SYTL2: variants seen among roughly 807,000 people sequenced by gnomAD.
SYTL2 encodes synaptotagmin like 2.
A neutral mutation model predicts 198.7 loss-of-function variants in SYTL2; 165 were observed. That is an observed-to-expected ratio of 0.83 (90% confidence interval 0.73 to 0.94). The LOEUF is 0.94. SYTL2 is among the 40% of genes least tolerant of loss of function. The pLI is 0.00. For missense variants in SYTL2, 2,835 were observed against 2,582.8 expected (o/e 1.10, Z -2.12); for synonymous variants, 966 against 917.7 (o/e 1.05, Z -0.95).
intron 15 of SYTL2, 86 bp from the exon 16 acceptor site, chr11:85,705,114 T>A (rs984245650): frequency 9.8e-7 from 1 of 1,015,494 alleles, no homozygotes; most frequent in African/African-American, 1.6e-5. Context: ...AATTCATCTG[T>A]ATATAGCAAA....
At chr11:85,795,223 T>C (rs1353919834) in intron 1 of SYTL2, among the ~76,000 whole-genome samples, 2 of 152,164 alleles carry the variant, frequency 1.3e-5, no homozygotes, top group African/African-American at 4.8e-5. Flanking sequence ...GCTAAGTTTA[T>C]TTTCAGCCCC....
In SYTL2 at chr11:85,734,637, A is replaced by C; in HGVS notation, c.692T>G (p.Ile231Ser). The C allele has an allele frequency of 6.2e-7, 1 of 1,614,122 alleles. No homozygotes were observed. Among genetic ancestry groups the C allele is most frequent in the Non-Finnish European group, 8.5e-7 (1 of 1,180,018 alleles). ...CCTGGCTTTGGGGATTGGAGCCTTG[A>C]TTTGGGACCCATTTGAAAGGCCTGG... ...TLPGLSNGSQ[I>S]KAPIPKARKM... The change falls in exon 7 of 20, where the codon ATC becomes AGC. Residue 231 changes from isoleucine to serine, a missense_variant. Coordinates refer to ENST00000359152, the MANE Select transcript of SYTL2 (RefSeq NM_206927.4).
intron 1 of SYTL2, among the ~76,000 whole-genome samples, chr11:85,766,757 G>T (rs942149160): frequency 6.6e-6 from 1 of 152,196 alleles, no homozygotes; most frequent in African/African-American, 2.4e-5. Flanking sequence ...ACAAGCCCAA[G>T]AAGTCTCACA....
chr11:85,765,307 G>A (rs539319048), intron 1 of SYTL2, among the ~76,000 whole-genome samples: 31 of 152,204 alleles, frequency 2.0e-4, no homozygotes, highest in African/African-American at 7.2e-4. Flanking sequence ...CGTGATCTCC[G>A]CTCACTGCAA....
chr11:85,776,463 T>C (rs2092453566), intron 1 of SYTL2, among the ~76,000 whole-genome samples: 1 of 152,240 alleles, frequency 6.6e-6, no homozygotes, highest in Admixed American at 6.5e-5. Flanking sequence ...TCTGTTCTCA[T>C]TGTTCAACTC....
intron 1 of SYTL2, among the ~76,000 whole-genome samples, chr11:85,777,156 TAGTC>T (rs2092465744): frequency 6.6e-6 from 1 of 152,222 alleles, no homozygotes; most frequent in African/African-American, 2.4e-5. Flanking sequence ...GGACATTCTT[TAGTC>T]ACCTCAGTAA....
At chr11:85,775,725 C>T (rs2092441074) in intron 1 of SYTL2, among the ~76,000 whole-genome samples, 1 of 152,174 alleles carries the variant, frequency 6.6e-6, no homozygotes, top group Non-Finnish European at 1.5e-5. Context: ...AAGTAATCTG[C>T]CCGCCTCAGC....
At chr11:85,833,246 G>C in the SYTL2 span, among the ~76,000 whole-genome samples, 15 of 148,398 alleles carry the variant, frequency 1.0e-4, no homozygotes, top group East Asian at 3.0e-3. Context: ...TAACATATTG[G>C]GCATCTATCA....
At chr11:85,800,314 C>T (rs916300336) in intron 1 of SYTL2, among the ~76,000 whole-genome samples, 7 of 152,068 alleles carry the variant, frequency 4.6e-5, no homozygotes, top group Admixed American at 2.6e-4. Context: ...GGGTTTCTGC[C>T]GCCCAGGCTG....
intron 16 of SYTL2, among the ~76,000 whole-genome samples, chr11:85,701,050 G>T (rs1245656692): frequency 1.3e-5 from 2 of 152,188 alleles, no homozygotes; most frequent in Non-Finnish European, 2.9e-5. Context: ...GCACTAATCT[G>T]ATTATTTTAG....
At chr11:85,705,152 C>G in intron 15 of SYTL2, 124 bp from the exon 16 acceptor site, 3 of 627,416 alleles carry the variant, frequency 4.8e-6, no homozygotes, top group Non-Finnish European at 7.9e-6. Context: ...TTTCGAGTCC[C>G]AAAAATATTG....
chr11:85,776,921 T>C (rs961700268), intron 1 of SYTL2, among the ~76,000 whole-genome samples: 1 of 152,160 alleles, frequency 6.6e-6, no homozygotes, highest in Non-Finnish European at 1.5e-5. Flanking sequence ...GTGTCAGCTC[T>C]GTGGTTAGAG....
chr11:85,803,030 A>G (rs1003132459), intron 1 of SYTL2, among the ~76,000 whole-genome samples: 1 of 152,180 alleles, frequency 6.6e-6, no homozygotes, highest in Non-Finnish European at 1.5e-5. Flanking sequence ...GTTGGCCACT[A>G]TGCTTCATAA....
chr11:85,698,203 G>A (rs988961563), intron 17 of SYTL2, 125 bp from the exon 18 acceptor site: 6 of 653,578 alleles, frequency 9.2e-6, no homozygotes, highest in Non-Finnish European at 1.6e-5. Flanking sequence ...GATATCATCT[G>A]AACTGATTAA....
At chr11:85,849,214 T>C in the SYTL2 span, among the ~76,000 whole-genome samples, 25,536 of 152,138 alleles carry the variant, frequency 0.17, 3,311 homozygotes, top group African/African-American at 0.37. Flanking sequence ...GAGTAGGTTG[T>C]GAAAATTTTC....
At chr11:85,853,166 A>C in the SYTL2 span, 1 of 359,092 alleles carries the variant, frequency 2.8e-6, no homozygotes, top group Non-Finnish European at 5.4e-6. Context: ...AGGCGTACCC[A>C]ACAGCTCATT....
At chr11:85,803,743 T>A (rs1353747841) in intron 1 of SYTL2, among the ~76,000 whole-genome samples, 1 of 152,212 alleles carries the variant, frequency 6.6e-6, no homozygotes, top group Non-Finnish European at 1.5e-5. Context: ...CAAAGTAACC[T>A]GGGATCAATT....
At chr11:85,720,089 A>G (rs1256002673) in intron 9 of SYTL2, among the ~76,000 whole-genome samples, 1 of 152,204 alleles carries the variant, frequency 6.6e-6, no homozygotes, top group East Asian at 1.9e-4. Context: ...GTTTTCTGCT[A>G]GTACTCAAGA....
chr11:85,718,100 T>C (rs1218049042), intron 10 of SYTL2: 1 of 169,570 alleles, frequency 5.9e-6, no homozygotes, highest in East Asian at 1.7e-4. Context: ...TAACAACAAG[T>C]AAATAAAATC....
Sources: gnomAD v4.1 joint callset for allele counts (sites outside exome capture counted in the v4.1 genomes callset) on GRCh38, gnomAD v4.1.1 for gene constraint, MANE v1.5 for transcripts, NCBI Gene and HGNC (gene_info 2026-07-23, HGNC 2026-07-21) for gene names.